The following RPL7 variants were observed in gnomAD, a reference collection of about 807,000 sequenced individuals.
RPL7 encodes the protein large ribosomal subunit protein uL30.
For synonymous variants in RPL7, 100 were observed against 102.2 expected, an observed-to-expected ratio of 0.98 and a Z score of 0.13; for missense variants, 205 against 301.9, an observed-to-expected ratio of 0.68 and a Z score of 2.38.
At chr8:73,293,711 C>T, upstream of RPL7, 1 of 1,489,094 alleles carries the variant, frequency 6.7e-7, no homozygotes, top group Non-Finnish European at 9.2e-7. Context: ...TAGAATAAGC[C>T]GGAAAAGAAT....
Position 73,291,262 on chromosome 8 carries a change from T to G in RPL7, c.539-10A>C, listed in dbSNP as rs767050733. 3 of 1,582,384 alleles carry G rather than the reference T, an allele frequency of 1.9e-6. No individual in the cohort carries two copies. On this transcript the variant is annotated splice_polypyrimidine_tract_variant and intron_variant, in intron 5 of 6. Coordinates refer to ENST00000352983, the MANE Select transcript of RPL7 (RefSeq NM_000971.4). ...ATGATGCCGTATTTACCTAAATATT[T>G]TAAGGTTATTTAAGATTATTAAAGT...
chr8:73,291,605 AT>A lies in RPL7; in HGVS notation c.484del (p.Ile162SerfsTer8). 1.3e-6 allele frequency: 2 copies of A among 1,599,944 alleles called. No individual in the cohort carries two copies. Among genetic ancestry groups the A allele is most frequent in the African/African-American group, 1.3e-5 (1 of 74,842 alleles). On this transcript the variant is annotated frameshift_variant, in exon 5 of 7. Transcript: ENST00000352983. LOFTEE classifies it high-confidence loss of function. The stretch of plus-strand genomic sequence containing the variant: ...TGTCAAAGCAATTCGCTTCTTATTG[AT>A]TTTGCCATAACCACGCTTGTAGATT... ...ELIYKRGYGKINKKRIALTDN... is the reference protein window; with the variant it reads ...ELIYKRGYGKXNKKRIALTDN...
chr8:73,292,936 TAC>T lies in RPL7; in HGVS notation c.15-141_15-140del, dbSNP rs1287432754. On this transcript the variant is annotated intron_variant, in intron 1 of 6. Transcript: ENST00000352983. Reference sequence around the variant, plus strand: ...AGTAACTTTACTTGCTCTGGCATGCTACAGTGTACGATGCATATTTTAGCTCC... The same window carrying T: ...AGTAACTTTACTTGCTCTGGCATGCTAGTGTACGATGCATATTTTAGCTCC... 28 of 611,338 alleles carry T rather than the reference TAC, an allele frequency of 4.6e-5. No homozygotes were observed. The East Asian group carries it at 7.8e-4, about 17-fold the overall frequency. The allele number at this position is 611,338 out of a possible 1,614,324, so 37.9% of individuals were successfully genotyped here.
chr8:73,291,523 TA>T (rs1264860933), intron 5 of RPL7, 28 bp downstream of exon 5: 1 of 1,515,940 alleles, frequency 6.6e-7, no homozygotes, highest in Admixed American at 1.7e-5. Flanking sequence ...CATGGTCTAA[TA>T]CCAAATTTTC....
chr8:73,294,239 G>A (rs1039351308), upstream of RPL7: 1 of 154,700 alleles, frequency 6.5e-6, no homozygotes, highest in South Asian at 1.8e-4. Context: ...ATCGCAGGCG[G>A]GGCGGTCTGG....
Position 73,291,593 on chromosome 8 carries a change from C to T in RPL7, c.497G>A (p.Arg166Gln). 6.3e-7 allele frequency: 1 copy of T among 1,598,276 alleles called. No homozygotes were observed. The highest frequency in any genetic ancestry group is 8.6e-7 in the Non-Finnish European group (1 of 1,167,410). Residue 166 changes from arginine (R) to glutamine (Q), a missense_variant, in exon 5 of 7, where the codon CGA becomes CAA. Transcript: ENST00000352983. ...CAAAGCGTTATCTGTCAAAGCAATTCGCTTCTTATTGATTTTGCCATAACC... is the reference window on the plus strand; with the variant it reads ...CAAAGCGTTATCTGTCAAAGCAATTTGCTTCTTATTGATTTTGCCATAACC... ...KRGYGKINKK[R>Q]IALTDNALIA...
In RPL7 at chr8:73,293,603, C is replaced by T. The variant is rs976896432; in HGVS notation, c.10G>A (p.Val4Ile). The T allele has an allele frequency of 4.3e-6, 7 of 1,613,840 alleles. No homozygotes were observed. Among genetic ancestry groups the T allele is most frequent in the African/African-American group, 2.7e-5 (2 of 74,916 alleles). ...AGAGGACCAGAAGCAACTCACTCTA[C>T]ACCCTCCATGGTTCCAGCCGGAAAA... MEG[V>I]EEKKKEVPAV... Residue 4 changes from valine to isoleucine, a missense_variant, in exon 1 of 7, where the codon GTA (valine) becomes ATA (isoleucine). Val to Ile is a conservative substitution (Grantham distance 29, BLOSUM62 3). Coordinates refer to ENST00000352983, the MANE Select transcript of RPL7 (RefSeq NM_000971.4).
chr8:73,290,935 C>G (rs1195566485), intron 6 of RPL7, 108 bp downstream of exon 6: 1 of 827,524 alleles, frequency 1.2e-6, no homozygotes, highest in Admixed American at 2.3e-5. Context: ...CACAAAAGCA[C>G]TGATTAAAAT....
At chr8:73,292,165 G>T in intron 3 of RPL7, 74 bp downstream of exon 3, 1 of 1,403,992 alleles carries the variant, frequency 7.1e-7, no homozygotes, top group Non-Finnish European at 9.8e-7. Flanking sequence ...TTCAGAATCA[G>T]GGCTCCCAGA....
chr8:73,290,886 A>G, intron 6 of RPL7, 157 bp downstream of exon 6: 1 of 638,470 alleles, frequency 1.6e-6, no homozygotes, highest in Non-Finnish European at 2.8e-6. Context: ...GCAGTAAACA[A>G]ACCAACTGTA....
chr8:73,292,169 T>A (rs1157859300), intron 3 of RPL7, 70 bp downstream of exon 3: 1 of 1,407,738 alleles, frequency 7.1e-7, no homozygotes, highest in African/African-American at 1.5e-5. Context: ...GAATCAGGGC[T>A]CCCAGAAGTA....
In RPL7 at chr8:73,292,568, T is replaced by C. The variant is rs75610021; in HGVS notation, c.123+121A>G. 1,164 of 1,011,130 alleles carry C rather than the reference T, an allele frequency of 1.2e-3. 10 individuals are homozygous for C. The African/African-American group carries it at 0.017, about 15-fold the overall frequency. 62.6% of individuals were successfully genotyped at this position (1,011,130 alleles called of 1,614,324 possible). Reference sequence around the variant, plus strand: ...ACCCCACTACCTTCAGATTGTAACATTAGGTAGCTAAGCAATTACTCAGTA... The same window carrying C: ...ACCCCACTACCTTCAGATTGTAACACTAGGTAGCTAAGCAATTACTCAGTA... On this transcript the variant is annotated intron_variant, in intron 2 of 6. Coordinates refer to ENST00000352983, the MANE Select transcript of RPL7 (RefSeq NM_000971.4).
chr8:73,293,065 G>C, intron 1 of RPL7: 1 of 330,580 alleles, frequency 3.0e-6, no homozygotes. Context: ...GGCCTCCGAC[G>C]ACTAATTAAA....
In RPL7 at chr8:73,292,723, A is replaced by C. The variant is rs911739540; in HGVS notation, c.89T>G (p.Ile30Ser). 6 of 1,613,694 alleles carry C rather than the reference A, an allele frequency of 3.7e-6. No individual in the cohort carries two copies. Among genetic ancestry groups the C allele is most frequent in the Admixed American group, 3.3e-5 (2 of 59,906 alleles). ...GGCAAACTTCTTTCTCAGGCGCTTG[A>C]TCTTCAGCTCTGCGAAATTCCTTCG... Reference protein sequence around the residue: ...KKRRNFAELKIKRLRKKFAQK... With the variant: ...KKRRNFAELKSKRLRKKFAQK... Residue 30 changes from isoleucine (I) to serine (S), a missense_variant, in exon 2 of 7, where the codon ATC (isoleucine) becomes AGC (serine). Transcript: ENST00000352983.
intron 6 of RPL7, 36 bp from the exon 7 acceptor site, chr8:73,290,741 T>C (rs1055304719): frequency 1.1e-5 from 3 of 278,688 alleles, no homozygotes; most frequent in Admixed American, 9.9e-5. Context: ...GAAAACACTT[T>C]AGGCAGCTAA....
chr8:73,292,352 C>T lies in RPL7; in HGVS notation c.177G>A (p.Lys59=), dbSNP rs768374069. Reference sequence around the variant, plus strand: ...CAGTTCTGTACATCTGCCTATATTCCTTGTGATAGTGCTTTGCTTTTTCAT... The same window carrying T: ...CAGTTCTGTACATCTGCCTATATTCTTTGTGATAGTGCTTTGCTTTTTCAT... ...LIYEKAKHYH[K]EYRQMYRTEI... is the part of the protein sequence containing the mutation. Residue 59 remains lysine, a synonymous_variant, in exon 3 of 7, where the codon AAG becomes AAA. Coordinates refer to ENST00000352983, the MANE Select transcript of RPL7 (RefSeq NM_000971.4). 3.1e-6 allele frequency: 5 copies of T among 1,604,124 alleles called. No individual in the cohort carries two copies. Among genetic ancestry groups the T allele is most frequent in the Non-Finnish European group, 4.2e-6 (5 of 1,179,286 alleles).
intron 5 of RPL7, 37 bp downstream of exon 5, chr8:73,291,515 T>C (rs1814096190): frequency 4.9e-6 from 7 of 1,437,048 alleles, no homozygotes; most frequent in Non-Finnish European, 6.8e-6. Flanking sequence ...AATTATCGCA[T>C]GGTCTAATAC....
chr8:73,292,389 C>G lies in RPL7; in HGVS notation c.140G>C (p.Arg47Thr). The change falls in exon 3 of 7, where the codon AGG (arginine) becomes ACG (threonine). Residue 47 changes from arginine (R) to threonine (T), a missense_variant. Arg to Thr is a moderately conservative substitution (Grantham distance 71). Coordinates refer to ENST00000352983, the MANE Select transcript of RPL7 (RefSeq NM_000971.4). ...CTTTGCTTTTTCATAGATAAGCTTC[C>G]TCCTTGCCTTTCGAAGCTGAAAACC... Reference protein sequence around the residue: ...FAQKMLRKARRKLIYEKAKHY... With the variant: ...FAQKMLRKARTKLIYEKAKHY... The G allele has an allele frequency of 6.3e-7, 1 of 1,595,936 alleles. No individual in the cohort carries two copies. The highest frequency in any genetic ancestry group is 8.5e-7 in the Non-Finnish European group (1 of 1,176,704).
chr8:73,291,338 G>A lies in RPL7; in HGVS notation c.539-86C>T, dbSNP rs571269224. ...CAAAATCTTTTTGAATAGGCTGTGA[G>A]ATGAAAACATAACCAGGAATAAACA... On this transcript the variant is annotated intron_variant, in intron 5 of 6. Transcript: ENST00000352983. The A allele has an allele frequency of 3.6e-6, 4 of 1,123,036 alleles. No homozygotes were observed. In the South Asian group the frequency reaches 4.5e-5, roughly 13 times the overall value. The allele number at this position is 1,123,036 out of a possible 1,614,324, so 69.6% of individuals were successfully genotyped here.
Sources: gnomAD v4.1 joint callset for allele counts on GRCh38, gnomAD v4.1.1 for gene constraint, MANE v1.5 for transcripts, NCBI Gene and HGNC (gene_info 2026-07-23, HGNC 2026-07-21) for gene names.